PDE10A: variants seen among roughly 807,000 people sequenced by gnomAD.
PDE10A encodes the protein phosphodiesterase 10A.
A neutral mutation model predicts 97.7 loss-of-function variants in PDE10A; 39 were observed. The observed-to-expected ratio is 0.40, with a 90% CI of 0.31 to 0.52. PDE10A has a LOEUF of 0.52. Among genes scored for constraint, PDE10A ranks in the 20% least tolerant of loss-of-function variants. The pLI is 0.56. For synonymous variants in PDE10A, 371 were observed against 376.8 expected, an observed-to-expected ratio of 0.98 and a Z score of 0.18; for missense variants, 731 against 1,047.8, an observed-to-expected ratio of 0.70 and a Z score of 4.17.
chr6:165,663,890 C>T (rs910845477), upstream of PDE10A, among the ~76,000 whole-genome samples: 2 of 152,212 alleles, frequency 1.3e-5, no homozygotes, highest in Non-Finnish European at 2.9e-5. Flanking sequence ...GCAGTTGCCA[C>T]TGAAGGGAAA....
At chr6:165,954,970 G>A (rs966749901) in intron 1 of PDE10A, among the ~76,000 whole-genome samples, 1 of 152,128 alleles carries the variant, frequency 6.6e-6, no homozygotes, top group Non-Finnish European at 1.5e-5. Flanking sequence ...ACTCAACGTA[G>A]CTCCAGCCTG....
intron 5 of PDE10A, among the ~76,000 whole-genome samples, chr6:165,438,815 G>T (rs1459233813): frequency 6.6e-6 from 1 of 151,940 alleles, no homozygotes; most frequent in African/African-American, 2.4e-5. Flanking sequence ...AACATTAGCT[G>T]GGTGAGGTGG....
intron 1 of PDE10A, among the ~76,000 whole-genome samples, chr6:165,960,974 A>G (rs1338021294): frequency 6.6e-6 from 1 of 152,018 alleles, no homozygotes; most frequent in African/African-American, 2.4e-5. Context: ...GAGGGGAGGA[A>G]GCGTTGCCGG....
chr6:165,787,752 A>G (rs1297199928), intron 1 of PDE10A, among the ~76,000 whole-genome samples: 1 of 152,178 alleles, frequency 6.6e-6, no homozygotes, highest in Non-Finnish European at 1.5e-5. Flanking sequence ...TCCTATTTGG[A>G]GAGAAGGTTT....
chr6:165,973,922 A>G (rs117482984), intron 1 of PDE10A, among the ~76,000 whole-genome samples: 2,057 of 152,344 alleles, frequency 0.014, 25 homozygotes, highest in Middle Eastern at 0.044. Context: ...TTGCATAAAA[A>G]TTACCCACCT....
intron 1 of PDE10A, among the ~76,000 whole-genome samples, chr6:165,687,592 G>A (rs1039633842): frequency 6.6e-6 from 1 of 152,120 alleles, no homozygotes; most frequent in Non-Finnish European, 1.5e-5. Flanking sequence ...ACTGAAAAAC[G>A]ATTCTTTCTA....
chr6:165,848,352 G>A (rs570660471), intron 1 of PDE10A, among the ~76,000 whole-genome samples: 162 of 152,104 alleles, frequency 1.1e-3, no homozygotes, highest in African/African-American at 3.6e-3. Flanking sequence ...TCCACGGGGC[G>A]GTGGCATCAG....
At chr6:165,741,511 A>C (rs1460275739) in intron 1 of PDE10A, among the ~76,000 whole-genome samples, 1 of 152,206 alleles carries the variant, frequency 6.6e-6, no homozygotes, top group Non-Finnish European at 1.5e-5. Flanking sequence ...TTTAAATTAT[A>C]CAATTAATCT....
intron 1 of PDE10A, among the ~76,000 whole-genome samples, chr6:165,896,573 G>A (rs1213095969): frequency 7.1e-6 from 1 of 140,406 alleles, no homozygotes; most frequent in Non-Finnish European, 1.5e-5. Flanking sequence ...CGCCCAGGCT[G>A]GAGTACAGTG....
intron 1 of PDE10A, among the ~76,000 whole-genome samples, chr6:165,707,129 A>AC (rs896662879): frequency 1.3e-5 from 2 of 152,226 alleles, no homozygotes; most frequent in African/African-American, 2.4e-5. Context: ...AGCCCAGAAA[A>AC]CCCTATTTGA....
intron 2 of PDE10A, among the ~76,000 whole-genome samples, chr6:165,532,507 G>A (rs764745276): frequency 5.3e-5 from 8 of 151,984 alleles, no homozygotes; most frequent in Non-Finnish European, 1.2e-4. Context: ...GTTAGAGTAT[G>A]TGATCTCCTC....
intron 1 of PDE10A, among the ~76,000 whole-genome samples, chr6:165,610,787 GAAACCAT>G: frequency 6.6e-6 from 1 of 152,224 alleles, no homozygotes; most frequent in East Asian, 1.9e-4. Flanking sequence ...TTATGTATGA[GAAACCAT>G]AAAACAATAG....
intron 1 of PDE10A, among the ~76,000 whole-genome samples, chr6:165,610,355 C>T (rs1367881104): frequency 6.6e-6 from 1 of 152,016 alleles, no homozygotes; most frequent in Non-Finnish European, 1.5e-5. Context: ...CATGGTGAAA[C>T]CCCATTTCTA....
At chr6:165,341,723 C>G (rs1781981984) in intron 19 of PDE10A, among the ~76,000 whole-genome samples, 1 of 152,268 alleles carries the variant, frequency 6.6e-6, no homozygotes, top group Admixed American at 6.5e-5. Flanking sequence ...TTCTTGGGAG[C>G]ACTTCCAGCA....
chr6:165,608,839 G>C (rs1787354068), intron 1 of PDE10A, among the ~76,000 whole-genome samples: 1 of 152,168 alleles, frequency 6.6e-6, no homozygotes, highest in African/African-American at 2.4e-5. Context: ...TTGTGGTTTT[G>C]ATTTGCATTT....
intron 1 of PDE10A, chr6:165,949,023 G>A (rs1341347675): frequency 6.6e-6 from 1 of 152,216 alleles, no homozygotes; most frequent in Non-Finnish European, 1.5e-5. Flanking sequence ...ACAGGAAATG[G>A]CCCTGGTAAA....
chr6:165,555,098 C>T (rs1162349163), intron 1 of PDE10A, among the ~76,000 whole-genome samples: 1 of 152,132 alleles, frequency 6.6e-6, no homozygotes, highest in Non-Finnish European at 1.5e-5. Flanking sequence ...ATAAGACCTA[C>T]TGTTTGATAC....
intron 1 of PDE10A, among the ~76,000 whole-genome samples, chr6:165,912,141 A>G (rs1782479349): frequency 6.6e-6 from 1 of 151,910 alleles, no homozygotes; most frequent in South Asian, 2.1e-4. Flanking sequence ...ATAACCTATT[A>G]TCTATCTAAC....
chr6:165,632,703 G>A (rs1326621322), intron 1 of PDE10A, among the ~76,000 whole-genome samples: 1 of 152,200 alleles, frequency 6.6e-6, no homozygotes, highest in Non-Finnish European at 1.5e-5. Flanking sequence ...ACCATGAGGG[G>A]TGAAGCGGCC....
Sources: gnomAD v4.1 joint callset for allele counts (sites outside exome capture counted in the v4.1 genomes callset) on GRCh38, gnomAD v4.1.1 for gene constraint, MANE v1.5 for transcripts, NCBI Gene and HGNC (gene_info 2026-07-23, HGNC 2026-07-21) for gene names.